The following USP40 variants were observed in gnomAD, a reference collection of about 807,000 sequenced individuals.
USP40 encodes ubiquitin carboxyl-terminal hydrolase 40.
Under a neutral mutation model 166.2 loss-of-function variants are expected in USP40, and 143 were observed. The ratio of observed to expected loss-of-function variants is 0.86; its 90% CI spans 0.75 to 0.99. USP40 has a LOEUF of 0.99. USP40 is among the 50% of genes least tolerant of loss of function. The pLI, the probability that USP40 is intolerant of heterozygous loss-of-function variation, is 0.00. For missense variants in USP40, 1,444 were observed against 1,479.7 expected (o/e 0.98, Z 0.40); for synonymous variants, 498 against 524.0 (o/e 0.95, Z 0.68).
chr2:233,481,060 G>C, intron 31 of USP40, 143 bp downstream of exon 31: 1 of 725,174 alleles, frequency 1.4e-6, no homozygotes, highest in Middle Eastern at 2.7e-4. Context: ...GCAGGGGGCG[G>C]AGAAGGACCC....
intron 6 of USP40, among the ~76,000 whole-genome samples, chr2:233,553,202 T>A (rs962219877): frequency 9.8e-5 from 15 of 152,324 alleles, no homozygotes; most frequent in Non-Finnish European, 1.3e-4. Context: ...ATTACTAGTA[T>A]TTAGCAATTA....
chr2:233,502,227 T>TA (rs1006761920), intron 21 of USP40, among the ~76,000 whole-genome samples: 1 of 152,008 alleles, frequency 6.6e-6, no homozygotes, highest in African/African-American at 2.4e-5. Context: ...TCCTTGAAAT[T>TA]AAAAAATGTA....
intron 23 of USP40, 24 bp from the exon 24 acceptor site, chr2:233,496,856 TG>T: frequency 6.3e-7 from 1 of 1,592,832 alleles, no homozygotes; most frequent in Non-Finnish European, 8.6e-7. Context: ...AATGCTTTTT[TG>T]TCACTTATGA....
rs756163949 is a variant in USP40, at chr2:233,510,114, C to T, written c.2548G>A (p.Gly850Arg). The T allele has an allele frequency of 1.2e-6, 2 of 1,603,138 alleles. No homozygotes were observed. The highest frequency in any genetic ancestry group is 1.3e-5 in the African/African-American group (1 of 74,572). ...SSQLFLFFAM[G>R]SDVQPGTEME... ...TCTGTCCCAGGTTGAACGTCACTCC[C>T]CATTGCAAAAAACAGGAACAACTAA... Residue 850 changes from glycine to arginine, a missense_variant, in exon 21 of 32, where the codon GGG (glycine) becomes AGG (arginine). By Grantham distance (125) the Gly-to-Arg change is moderately radical. Coordinates refer to ENST00000678225, the MANE Select transcript of USP40 (RefSeq NM_001365479.2).
rs1045541573 is a variant in USP40, at chr2:233,521,141, A to G, written c.2202-27T>C. 4 of 1,597,894 alleles carry G rather than the reference A, an allele frequency of 2.5e-6. 1 individual carries two copies. In the Middle Eastern group the frequency reaches 5.0e-4, roughly 201 times the overall value. Reference sequence around the variant, plus strand: ...TGTAGGTAAAAAGAAAAGATCAGAAATTAATACCTTTCCTTAGGCATCACT... The same window carrying G: ...TGTAGGTAAAAAGAAAAGATCAGAAGTTAATACCTTTCCTTAGGCATCACT... On this transcript the variant is annotated intron_variant, in intron 16 of 31. Transcript: ENST00000678225.
At chr2:233,485,407 T>G in intron 30 of USP40, 124 bp downstream of exon 30, 1 of 812,650 alleles carries the variant, frequency 1.2e-6, no homozygotes, top group Non-Finnish European at 1.9e-6. Flanking sequence ...TTTTTATCCA[T>G]TCTCTGAAAC....
intron 11 of USP40, among the ~76,000 whole-genome samples, chr2:233,531,442 A>G (rs1313430663): frequency 6.6e-6 from 1 of 152,216 alleles, no homozygotes; most frequent in East Asian, 1.9e-4. Context: ...TTCCTAAGCT[A>G]ACAAGAAAAC....
intron 22 of USP40, 149 bp downstream of exon 22, chr2:233,499,730 G>A: frequency 3.3e-6 from 2 of 603,082 alleles, no homozygotes; most frequent in Admixed American, 3.1e-5. Context: ...AGAACCAGGA[G>A]AATTCATTAT....
chr2:233,488,275 A>T lies in USP40; in HGVS notation c.3161T>A (p.Ile1054Asn), dbSNP rs1199493633. ...REYKLGRRIE[I>N]CLEPLQKGEN... ...GCCTTTCTGAAGGGGCTCTAAGCAG[A>T]TCTCAATTCTCCGTCCTAGTTTATA... is the stretch of plus-strand genomic sequence containing the variant. The change falls in exon 28 of 32, where the codon ATC becomes AAC. Residue 1054 changes from isoleucine to asparagine, a missense_variant. Transcript: ENST00000678225. 3.7e-6 allele frequency: 6 copies of T among 1,604,234 alleles called. No homozygotes were observed. The highest frequency in any genetic ancestry group is 5.1e-6 in the Non-Finnish European group (6 of 1,174,842).
chr2:233,543,354 C>T (rs1240316845), intron 8 of USP40, among the ~76,000 whole-genome samples: 2 of 152,122 alleles, frequency 1.3e-5, no homozygotes, highest in Non-Finnish European at 2.9e-5. Flanking sequence ...ACATCTTAAA[C>T]ACACCATGAG....
At chr2:233,530,111 T>C (rs187729049) in intron 11 of USP40, among the ~76,000 whole-genome samples, 123 of 152,180 alleles carry the variant, frequency 8.1e-4, no homozygotes, top group Non-Finnish European at 1.4e-3. Context: ...CAGATTTTCA[T>C]CTTGATTACA....
At chr2:233,552,782 A>C (rs558915677) in intron 6 of USP40, among the ~76,000 whole-genome samples, 1 of 152,342 alleles carries the variant, frequency 6.6e-6, no homozygotes, top group African/African-American at 2.4e-5. Context: ...TTTTATCTAT[A>C]ATCTCCAGGA....
intron 31 of USP40, 70 bp from the exon 32 acceptor site, chr2:233,477,573 C>A: frequency 7.8e-7 from 1 of 1,282,926 alleles, no homozygotes. Context: ...TTCACGAAGA[C>A]CCCAAAATAC....
At chr2:233,554,998 T>C (rs1026498281) in intron 5 of USP40, among the ~76,000 whole-genome samples, 2 of 152,182 alleles carry the variant, frequency 1.3e-5, no homozygotes, top group Admixed American at 1.3e-4. Context: ...ATGGCCAGCC[T>C]GGCCAATATG....
At chr2:233,552,749 C>T (rs1037451) in intron 6 of USP40, among the ~76,000 whole-genome samples, 122,351 of 152,164 alleles carry the variant, frequency 0.8, 49,349 homozygotes, top group East Asian at 0.96. Flanking sequence ...GCTACAGGCA[C>T]AGGGTTTAAG....
chr2:233,523,597 A>G (rs1424277967), intron 15 of USP40, 108 bp from the exon 16 acceptor site: 10 of 1,113,264 alleles, frequency 9.0e-6, no homozygotes, highest in Non-Finnish European at 1.1e-5. Flanking sequence ...TTTTCCAAGT[A>G]AAATAAAATT....
chr2:233,492,082 T>C (rs542834358), intron 25 of USP40, among the ~76,000 whole-genome samples: 17 of 152,252 alleles, frequency 1.1e-4, no homozygotes, highest in Non-Finnish European at 1.8e-4. Flanking sequence ...ACCTGCTACA[T>C]AATGATTTGG....
chr2:233,558,566 T>C (rs1011078740), intron 4 of USP40, among the ~76,000 whole-genome samples: 3 of 152,168 alleles, frequency 2.0e-5, no homozygotes, highest in Admixed American at 1.3e-4. Context: ...GGCAAATTCA[T>C]AGAGACAGAA....
At chr2:233,564,086 G>T (rs1001845437) in intron 2 of USP40, among the ~76,000 whole-genome samples, 1 of 152,140 alleles carries the variant, frequency 6.6e-6, no homozygotes, top group Non-Finnish European at 1.5e-5. Flanking sequence ...TTTATGGAGG[G>T]GATCGAGTCA....
Sources: gnomAD v4.1 joint callset for allele counts (sites outside exome capture counted in the v4.1 genomes callset) on GRCh38, gnomAD v4.1.1 for gene constraint, MANE v1.5 for transcripts, NCBI Gene and HGNC (gene_info 2026-07-23, HGNC 2026-07-21) for gene names.